The following MICAL2 variants were observed in gnomAD, a reference collection of about 807,000 sequenced individuals.
MICAL2 encodes [F-actin]-monooxygenase MICAL2.
In MICAL2, 77 loss-of-function variants were observed where a neutral mutation model predicts 127.3. That is an observed-to-expected ratio of 0.60 (90% CI 0.50 to 0.73). The LOEUF is 0.73. Among genes scored for constraint, MICAL2 ranks in the 30% least tolerant of loss-of-function variants. The pLI is 0.00. For synonymous variants in MICAL2, 570 were observed against 551.1 expected (o/e 1.03, Z -0.48); for missense variants, 1,351 against 1,434.4 (o/e 0.94, Z 0.94).
At chr11:12,123,717 A>G (rs1279725542) in intron 1 of MICAL2, among the ~76,000 whole-genome samples, 1 of 152,064 alleles carries the variant, frequency 6.6e-6, no homozygotes, top group Non-Finnish European at 1.5e-5. Flanking sequence ...TGCATTTCTG[A>G]TCAGTGAAAT....
At chr11:12,349,712 G>A in intron 32 of MICAL2, 1 of 794,760 alleles carries the variant, frequency 1.3e-6, no homozygotes, top group East Asian at 2.7e-5. Flanking sequence ...CCTACAGGGT[G>A]TCAGGGAGCT....
At chr11:12,317,066 A>G (rs1864240747) in intron 29 of MICAL2, among the ~76,000 whole-genome samples, 1 of 152,126 alleles carries the variant, frequency 6.6e-6, no homozygotes, top group African/African-American at 2.4e-5. Context: ...CTCTTTATGT[A>G]TCTATAGTTT....
At position 12,155,432 on chromosome 11, in the gene MICAL2, G is replaced by A. The variant is rs192178527; in HGVS notation, c.-77-6647G>A. On this transcript the variant is annotated intron_variant, in intron 2 of 27. Transcript: ENST00000683283. ...ACATATACCATATATACACAAACAT[G>A]CATATATACACACATGCACACATAT... Among the ~76,000 whole-genome samples the A allele has an allele frequency of 1.3e-3, 193 of 151,738 alleles. 1 individual carries two copies. Among genetic ancestry groups the A allele is most frequent in the African/African-American group, 4.1e-3 (169 of 41,304 alleles).
At chr11:12,221,045 C>T (rs145206680) in intron 9 of MICAL2, among the ~76,000 whole-genome samples, 97 of 152,324 alleles carry the variant, frequency 6.4e-4, no homozygotes, top group African/African-American at 2.1e-3. Context: ...TTTGGGTGCT[C>T]ATGGAGCAGA....
At chr11:12,192,993 G>A (rs1859408845) in intron 3 of MICAL2, among the ~76,000 whole-genome samples, 1 of 152,178 alleles carries the variant, frequency 6.6e-6, no homozygotes, top group African/African-American at 2.4e-5. Flanking sequence ...GTAATAAGCT[G>A]CTGTGTTCAA....
At chr11:12,198,247 T>C (rs1860201728) in intron 3 of MICAL2, among the ~76,000 whole-genome samples, 1 of 152,234 alleles carries the variant, frequency 6.6e-6, no homozygotes, top group Non-Finnish European at 1.5e-5. Flanking sequence ...TGCCAAATGA[T>C]GATGAATATG....
chr11:12,288,159 A>G (rs1466775378), downstream of MICAL2, among the ~76,000 whole-genome samples: 1 of 152,180 alleles, frequency 6.6e-6, no homozygotes, highest in Non-Finnish European at 1.5e-5. Context: ...AGGCCACTTC[A>G]TCTGAGGACA....
At chr11:12,348,153 C>CAAA (rs57602704) in intron 32 of MICAL2, among the ~76,000 whole-genome samples, 1,491 of 77,962 alleles carry the variant, frequency 0.019, 47 homozygotes, top group African/African-American at 0.04. Context: ...GACTCTGTCT[C>CAAA]AAAAAAAAAA....
intron 16 of MICAL2, among the ~76,000 whole-genome samples, chr11:12,238,818 C>T (rs1169260065): frequency 2.0e-5 from 3 of 152,172 alleles, no homozygotes; most frequent in Admixed American, 6.5e-5. Flanking sequence ...CAGGGACAGT[C>T]TGTGCTATCT....
intron 1 of MICAL2, among the ~76,000 whole-genome samples, chr11:12,119,126 C>A (rs920970459): frequency 6.6e-6 from 1 of 152,176 alleles, no homozygotes; most frequent in Non-Finnish European, 1.5e-5. Context: ...CCTGAACCCT[C>A]TTCTCCGTTT....
chr11:12,292,170 T>C (rs1863912082), downstream of MICAL2: 4 of 1,614,112 alleles, frequency 2.5e-6, no homozygotes, highest in Non-Finnish European at 3.4e-6. Context: ...AAAAGAACTA[T>C]GTCACCTCCT....
chr11:12,230,292 G>A (rs1342094432), intron 15 of MICAL2, among the ~76,000 whole-genome samples: 1 of 152,182 alleles, frequency 6.6e-6, no homozygotes, highest in Non-Finnish European at 1.5e-5. Context: ...AGCCACAGGG[G>A]ATGTCTGCAC....
At chr11:12,181,434 T>C (rs1857470763) in intron 3 of MICAL2, among the ~76,000 whole-genome samples, 1 of 152,258 alleles carries the variant, frequency 6.6e-6, no homozygotes, top group African/African-American at 2.4e-5. Flanking sequence ...ATGGCATTTG[T>C]AGCCTTATAT....
intron 29 of MICAL2, among the ~76,000 whole-genome samples, chr11:12,317,141 C>T (rs1864241731): frequency 6.6e-6 from 1 of 152,138 alleles, no homozygotes; most frequent in South Asian, 2.1e-4. Flanking sequence ...TTCATAGCTC[C>T]CTCTTCTCCA....
At chr11:12,228,830 T>TG (rs1857826786) in intron 15 of MICAL2, among the ~76,000 whole-genome samples, 1 of 151,584 alleles carries the variant, frequency 6.6e-6, no homozygotes, top group Non-Finnish European at 1.5e-5. Flanking sequence ...AGGACTGGAG[T>TG]GGGGAGTTCC....
intron 1 of MICAL2, among the ~76,000 whole-genome samples, chr11:12,277,210 G>A (rs929710636): frequency 1.3e-5 from 2 of 152,060 alleles, no homozygotes; most frequent in African/African-American, 4.8e-5. Context: ...CTATTGGGCC[G>A]TGGGTCTTTC....
At chr11:12,275,399 T>A (rs1590717572), upstream of MICAL2, among the ~76,000 whole-genome samples, 1 of 152,268 alleles carries the variant, frequency 6.6e-6, no homozygotes, top group South Asian at 2.1e-4. Context: ...ATCAAGAGCA[T>A]GAGTGTAGAC....
intron 29 of MICAL2, among the ~76,000 whole-genome samples, chr11:12,314,661 T>G (rs970857424): frequency 4.9e-4 from 72 of 146,508 alleles, no homozygotes; most frequent in African/African-American, 1.7e-3. Flanking sequence ...TTTTTTTTTG[T>G]ATTTTTAGTA....
At chr11:12,235,257 T>A (rs774989872) in intron 15 of MICAL2, among the ~76,000 whole-genome samples, 7 of 152,226 alleles carry the variant, frequency 4.6e-5, no homozygotes, top group Admixed American at 6.5e-5. Flanking sequence ...TCCAGAGTTC[T>A]GCTCATTCCC....
Sources: gnomAD v4.1 joint callset for allele counts (sites outside exome capture counted in the v4.1 genomes callset) on GRCh38, gnomAD v4.1.1 for gene constraint, MANE v1.5 for transcripts, NCBI Gene and HGNC (gene_info 2026-07-23, HGNC 2026-07-21) for gene names.